The following RDH12 variants were observed in gnomAD, a reference collection of about 807,000 sequenced individuals.
The protein encoded by RDH12 is all-trans and 9-cis retinol dehydrogenase.
In RDH12, 21 loss-of-function variants were observed where a neutral mutation model predicts 34.0. The ratio of observed to expected loss-of-function variants is 0.62; its 90% confidence interval spans 0.44 to 0.89. The LOEUF (loss-of-function observed/expected upper bound fraction) is 0.89, where lower values mean the gene tolerates loss of function less well. RDH12 is among the 40% of genes least tolerant of loss of function. RDH12 has a pLI of 0.00. For missense variants in RDH12, 394 were observed against 398.6 expected (o/e 0.99, Z 0.10); for synonymous variants, 198 against 169.9 (o/e 1.17, Z -1.29).
intron 1 of RDH12, chr14:67,715,271 C>A (rs995403144): frequency 7.9e-5 from 12 of 151,796 alleles, no homozygotes; most frequent in African/African-American, 2.9e-4. Context: ...CCTACAATAT[C>A]CAGATCTACT....
chr14:67,716,415 G>T (rs1044050514), intron 1 of RDH12, among the ~76,000 whole-genome samples: 3 of 152,058 alleles, frequency 2.0e-5, no homozygotes, highest in African/African-American at 7.2e-5. Flanking sequence ...ATTTATGTTA[G>T]AAAGTTTTTA....
intron 1 of RDH12, among the ~76,000 whole-genome samples, chr14:67,711,972 T>G (rs2038013133): frequency 6.6e-6 from 1 of 152,174 alleles, no homozygotes; most frequent in African/African-American, 2.4e-5. Flanking sequence ...CAGGCTGAAG[T>G]GCAATGGTGC....
intron 1 of RDH12, among the ~76,000 whole-genome samples, chr14:67,711,640 G>C (rs2038009611): frequency 6.6e-6 from 1 of 152,112 alleles, no homozygotes; most frequent in South Asian, 2.1e-4. Flanking sequence ...ACATCTTATA[G>C]ATTCATAAAG....
intron 7 of RDH12, chr14:67,727,408 GT>G (rs1324041381): frequency 3.7e-6 from 2 of 544,088 alleles, no homozygotes; most frequent in Non-Finnish European, 6.6e-6. Flanking sequence ...CCTTGTATTT[GT>G]GTCACATCTT....
intron 6 of RDH12, 43 bp from the exon 7 acceptor site, chr14:67,726,938 C>T (rs367857379): frequency 6.4e-7 from 1 of 1,571,252 alleles, no homozygotes; most frequent in East Asian, 2.2e-5. Flanking sequence ...TGAGCCTGGG[C>T]TGTCATTCCA....
At chr14:67,724,723 T>G (rs2038165149) in intron 4 of RDH12, 132 bp downstream of exon 4, 2 of 751,910 alleles carry the variant, frequency 2.7e-6, no homozygotes, top group East Asian at 5.4e-5. Context: ...GAACCTGGGA[T>G]TCAAGTCCAA....
At chr14:67,721,930 T>C (rs528550176) in intron 2 of RDH12, among the ~76,000 whole-genome samples, 1 of 152,268 alleles carries the variant, frequency 6.6e-6, no homozygotes, top group Admixed American at 6.5e-5. Context: ...ATACCTTTCC[T>C]TGTAATATGC....
At chr14:67,716,982 C>T (rs1271795876) in intron 1 of RDH12, among the ~76,000 whole-genome samples, 1 of 151,550 alleles carries the variant, frequency 6.6e-6, no homozygotes, top group Non-Finnish European at 1.5e-5. Context: ...ATATATAAAA[C>T]AAATATAGTG....
chr14:67,706,195 T>C (rs1164290207), intron 1 of RDH12: 1 of 152,288 alleles, frequency 6.6e-6, no homozygotes, highest in African/African-American at 2.4e-5. Context: ...AGTCGCAAGA[T>C]AGTGCCTATG....
At chr14:67,732,149 A>G (rs1286791401) in intron 8 of RDH12, among the ~76,000 whole-genome samples, 2 of 142,766 alleles carry the variant, frequency 1.4e-5, no homozygotes, top group Non-Finnish European at 3.1e-5. Context: ...AAAAAAAAAA[A>G]TTTAAGGCTG....
At chr14:67,706,565 G>A (rs1038458029) in intron 1 of RDH12, among the ~76,000 whole-genome samples, 1 of 152,218 alleles carries the variant, frequency 6.6e-6, no homozygotes, top group African/African-American at 2.4e-5. Context: ...ACAGGAAGAT[G>A]AGACACAAAC....
chr14:67,727,328 G>C (rs1327234468), intron 7 of RDH12, 138 bp downstream of exon 7: 1 of 763,434 alleles, frequency 1.3e-6, no homozygotes, highest in Non-Finnish European at 2.2e-6. Flanking sequence ...AATTATGAAT[G>C]GAATAAAAAC....
chr14:67,722,878 A>T (rs1371255639), intron 3 of RDH12, among the ~76,000 whole-genome samples, 168 bp downstream of exon 3: 2 of 152,218 alleles, frequency 1.3e-5, no homozygotes, highest in African/African-American at 4.8e-5. Context: ...GGAAAACCAG[A>T]AGGAAGCATC....
intron 7 of RDH12, among the ~76,000 whole-genome samples, chr14:67,728,722 C>T (rs889636093): frequency 7.0e-6 from 1 of 143,786 alleles, no homozygotes. Flanking sequence ...GGTGTTAATC[C>T]CCCACAATCT....
At chr14:67,708,278 C>A (rs1164295872) in intron 1 of RDH12, among the ~76,000 whole-genome samples, 1 of 152,170 alleles carries the variant, frequency 6.6e-6, no homozygotes, top group African/African-American at 2.4e-5. Flanking sequence ...TTACTTTAGT[C>A]TTCTATCAGT....
In RDH12 at chr14:67,722,846, G is replaced by A. The variant is rs780254086; in HGVS notation, c.68+136G>A. The A allele has an allele frequency of 1.0e-5, 8 of 794,078 alleles. No homozygotes were observed. In the African/African-American group the frequency reaches 1.2e-4, roughly 12 times the overall value. 49.2% of individuals were successfully genotyped at this position (794,078 alleles called of 1,614,324 possible). On this transcript the variant is annotated intron_variant, in intron 3 of 8. Coordinates refer to ENST00000551171, the MANE Select transcript of RDH12 (RefSeq NM_152443.3). Reference sequence around the variant, plus strand: ...CAGGGCAGGAAAAGCAGGAAGGAAGGGGGTGTTGTGGATACCATGGTGGAA... The same window carrying A: ...CAGGGCAGGAAAAGCAGGAAGGAAGAGGGTGTTGTGGATACCATGGTGGAA...
chr14:67,716,070 G>T (rs1156998764), intron 1 of RDH12, among the ~76,000 whole-genome samples: 5 of 152,054 alleles, frequency 3.3e-5, no homozygotes, highest in Non-Finnish European at 7.4e-5. Flanking sequence ...GGTAGCCGGT[G>T]CCTGTAGTCC....
intron 1 of RDH12, among the ~76,000 whole-genome samples, chr14:67,712,517 A>AAAAAAAAG (rs59104946): frequency 1.4e-5 from 2 of 142,992 alleles, no homozygotes; most frequent in Non-Finnish European, 1.5e-5. Context: ...AAAAAAAAAA[A>AAAAAAAAG]GACAAGGTTT....
chr14:67,725,640 G>A (rs921915518), intron 5 of RDH12, among the ~76,000 whole-genome samples: 3 of 152,124 alleles, frequency 2.0e-5, no homozygotes, highest in Admixed American at 6.6e-5. Flanking sequence ...CTTCTACCAC[G>A]GACTATGAAA....
Sources: allele counts gnomAD v4.1 joint callset (sites outside exome capture counted in the v4.1 genomes callset), GRCh38; gene constraint gnomAD v4.1.1; transcripts MANE v1.5; gene names NCBI Gene and HGNC (gene_info 2026-07-23, HGNC 2026-07-21).